The following TMEM123 variants were observed in gnomAD, a reference collection of about 807,000 sequenced individuals.
TMEM123 encodes transmembrane protein 123.
A neutral mutation model predicts 19.7 loss-of-function variants in TMEM123; 16 were observed. The ratio of observed to expected loss-of-function variants is 0.81; its 90% confidence interval spans 0.55 to 1.23. TMEM123 has a LOEUF of 1.23. Among genes scored for constraint, TMEM123 ranks in the 50% most tolerant of loss-of-function variants. The probability of loss-of-function intolerance (pLI) is 0.00; values close to 1 mark genes in which losing one functional copy is unlikely to be tolerated. For synonymous variants in TMEM123, 118 were observed against 99.4 expected (o/e 1.19, Z -1.12); for missense variants, 313 against 257.8 (o/e 1.21, Z -1.47).
At chr11:102,437,463 A>C (rs935949437) in intron 2 of TMEM123, among the ~76,000 whole-genome samples, 4 of 151,142 alleles carry the variant, frequency 2.6e-5, no homozygotes, top group African/African-American at 9.8e-5. Context: ...ATCTCAAAAA[A>C]AAAAAAAAAA....
chr11:102,407,957 G>A (rs1349930470), intron 2 of TMEM123, among the ~76,000 whole-genome samples: 3 of 152,166 alleles, frequency 2.0e-5, no homozygotes, highest in Non-Finnish European at 4.4e-5. Context: ...CTGTGCAACG[G>A]TACAACTGGC....
In TMEM123 at chr11:102,403,947, G is replaced by A. The variant is rs1951933058; in HGVS notation, c.158-1741C>T. On this transcript the variant is annotated intron_variant, in intron 2 of 4. Transcript: ENST00000398136. ...CACAGCTTTATAAAAGCCCTCCCCA[G>A]AAACCAGGGCTTGCAGAACTTTCCC... Among the ~76,000 whole-genome samples the A allele has an allele frequency of 2.6e-5, 4 of 152,144 alleles. No homozygotes were observed. In the South Asian group the frequency reaches 8.3e-4, roughly 31 times the overall value.
intron 2 of TMEM123, among the ~76,000 whole-genome samples, chr11:102,415,917 TATC>T (rs58964214): frequency 0.9 from 136,296 of 150,656 alleles, 61,503 homozygotes; most frequent in East Asian, 1. Context: ...TTATTATTAT[TATC>T]ATCATTATTT....
At chr11:102,442,103 G>A (rs1411905195) in intron 2 of TMEM123, among the ~76,000 whole-genome samples, 2 of 152,158 alleles carry the variant, frequency 1.3e-5, no homozygotes, top group African/African-American at 2.4e-5. Context: ...CGGATTCATA[G>A]CCGAATTCTA....
At chr11:102,428,312 A>T (rs1406853486) in intron 2 of TMEM123, among the ~76,000 whole-genome samples, 7 of 151,922 alleles carry the variant, frequency 4.6e-5, no homozygotes, top group Non-Finnish European at 1.0e-4. Context: ...ATTTTATTTT[A>T]TTTTTTTGAG....
At chr11:102,440,322 C>T (rs193133656) in intron 2 of TMEM123, among the ~76,000 whole-genome samples, 1 of 152,108 alleles carries the variant, frequency 6.6e-6, no homozygotes, top group Non-Finnish European at 1.5e-5. Context: ...ATCCACAAAG[C>T]GAAGCCCATC....
At position 102,428,043 on chromosome 11, in the gene TMEM123, A is replaced by G. The variant is rs575150682; in HGVS notation, c.157+20769T>C. 2.6e-5 allele frequency among the ~76,000 whole-genome samples: 4 copies of G among 152,288 alleles called. No individual in the cohort carries two copies. The East Asian group carries it at 5.8e-4, about 22-fold the overall frequency. ...AAGGAAAAATGAGATGCTGATAAAA[A>G]AAAGTGATTTAACCAGGCCATGCAT... On this transcript the variant is annotated intron_variant, in intron 2 of 4. Coordinates refer to ENST00000398136, the MANE Select transcript of TMEM123 (RefSeq NM_052932.3).
intron 2 of TMEM123, among the ~76,000 whole-genome samples, chr11:102,409,632 C>T (rs1951985782): frequency 6.6e-6 from 1 of 151,952 alleles, no homozygotes; most frequent in Non-Finnish European, 1.5e-5. Flanking sequence ...TTTGGGAGGC[C>T]CAGGCGGGCA....
chr11:102,445,218 A>AAC (rs1378690727), intron 2 of TMEM123, among the ~76,000 whole-genome samples: 1 of 152,250 alleles, frequency 6.6e-6, no homozygotes, highest in African/African-American at 2.4e-5. Flanking sequence ...ACATGAGTTG[A>AAC]ACACAATTAA....
At chr11:102,431,824 T>C (rs1591563046) in intron 2 of TMEM123, among the ~76,000 whole-genome samples, 1 of 152,124 alleles carries the variant, frequency 6.6e-6, no homozygotes, top group Non-Finnish European at 1.5e-5. Context: ...AACTGAATCA[T>C]GGGGGCAGTT....
chr11:102,407,166 G>T (rs946713734), intron 2 of TMEM123, among the ~76,000 whole-genome samples: 1 of 152,242 alleles, frequency 6.6e-6, no homozygotes, highest in Non-Finnish European at 1.5e-5. Context: ...CAGCAGAAGT[G>T]AGGAGAAGAG....
intron 2 of TMEM123, among the ~76,000 whole-genome samples, chr11:102,418,013 C>T (rs1028423188): frequency 6.6e-6 from 1 of 151,302 alleles, no homozygotes; most frequent in Non-Finnish European, 1.5e-5. Flanking sequence ...ATTAAAAAGA[C>T]TTAAATGTAA....
At chr11:102,440,550 G>A (rs1005238061) in intron 2 of TMEM123, among the ~76,000 whole-genome samples, 1 of 152,156 alleles carries the variant, frequency 6.6e-6, no homozygotes, top group Non-Finnish European at 1.5e-5. Flanking sequence ...CCTAAAGGAA[G>A]CACTAAACAT....
Position 102,452,689 on chromosome 11 carries a change from T to C in TMEM123, c.-66A>G. 7.9e-7 allele frequency: 1 copy of C among 1,263,372 alleles called. No homozygotes were observed. Among genetic ancestry groups the C allele is most frequent in the South Asian group, 1.8e-5 (1 of 55,146 alleles). The allele number at this position is 1,263,372 out of a possible 1,614,324, so 78.3% of individuals were successfully genotyped here. On this transcript the variant is annotated 5_prime_UTR_variant, in exon 1 of 5. Transcript: ENST00000398136. ...CCGAGGTGGCGGCGGCGAGAGCGGC[T>C]CCTCTGCGCAGCCGGCGCCGGCTCC...
rs1951866512 is a variant in TMEM123, at chr11:102,397,396, G to A, written c.*1471C>T. On this transcript the variant is annotated 3_prime_UTR_variant, in exon 5 of 5. Coordinates refer to ENST00000398136, the MANE Select transcript of TMEM123 (RefSeq NM_052932.3). ...GGTGTGATTCACTTTGGCCCTCTGAGATAGAAATGCCATCTTAGTATTTAC... is the reference window on the plus strand; with the variant it reads ...GGTGTGATTCACTTTGGCCCTCTGAAATAGAAATGCCATCTTAGTATTTAC... 6.6e-6 allele frequency: 1 copy of A among 152,112 alleles called. No homozygotes were observed. The highest frequency in any genetic ancestry group is 1.5e-5 in the Non-Finnish European group (1 of 67,994). 9.4% of individuals were successfully genotyped at this position (152,112 alleles called of 1,614,324 possible).
intron 2 of TMEM123, among the ~76,000 whole-genome samples, chr11:102,428,822 T>C (rs1300103318): frequency 1.3e-5 from 2 of 152,182 alleles, no homozygotes; most frequent in African/African-American, 4.8e-5. Flanking sequence ...AGAGCAGATG[T>C]TTCTGAAGAG....
intron 2 of TMEM123, among the ~76,000 whole-genome samples, chr11:102,444,594 C>T (rs564315984): frequency 3.2e-4 from 49 of 151,686 alleles, no homozygotes; most frequent in South Asian, 1.5e-3. Context: ...ATGTAAATGA[C>T]GAGTTGACGG....
At position 102,402,137 on chromosome 11, in the gene TMEM123, G is replaced by A. The variant is rs1250361869; in HGVS notation, c.227C>T (p.Ser76Leu). 1 of 1,614,164 alleles carries A rather than the reference G, an allele frequency of 6.2e-7. No individual in the cohort carries two copies. The highest frequency in any genetic ancestry group is 8.5e-7 in the Non-Finnish European group (1 of 1,180,024). Residue 76 changes from serine to leucine, a missense_variant, in exon 3 of 5, where the codon TCA becomes TTA. Physicochemically the swap from Ser to Leu is moderately radical, Grantham distance 145. Transcript: ENST00000398136. ...TGTATTACTGGAGTCTGAGGCAACT[G>A]AAGTTGGTGGTTTCACAGTACTGTT... The part of the protein sequence containing the change: ...TSNSTVKPPT[S>L]VASDSSNTTV...
intron 2 of TMEM123, among the ~76,000 whole-genome samples, chr11:102,425,701 A>T (rs1312145835): frequency 1.3e-5 from 2 of 148,464 alleles, no homozygotes; most frequent in Non-Finnish European, 3.0e-5. Context: ...CTCCCACTTC[A>T]CCCACCCGAG....
Sources: gnomAD v4.1 joint callset for allele counts (sites outside exome capture counted in the v4.1 genomes callset) on GRCh38, gnomAD v4.1.1 for gene constraint, MANE v1.5 for transcripts, NCBI Gene and HGNC (gene_info 2026-07-23, HGNC 2026-07-21) for gene names.